The following ANO2 variants were observed in gnomAD, a reference collection of about 807,000 sequenced individuals.
ANO2 encodes anoctamin-2.
A neutral mutation model predicts 124.2 loss-of-function variants in ANO2; 101 were observed. The ratio of observed to expected loss-of-function variants is 0.81; its 90% CI spans 0.69 to 0.96. The LOEUF (loss-of-function observed/expected upper bound fraction) is 0.96. Ranked by LOEUF, ANO2 falls within the 40% of genes least tolerant of loss-of-function variation. The pLI is 0.00. For missense variants in ANO2, 1,293 were observed against 1,274.5 expected (o/e 1.01, Z -0.22); for synonymous variants, 486 against 482.5 (o/e 1.01, Z -0.09).
rs572126780 is a variant in ANO2, at chr12:5,772,843, T to C, written c.1056-21873A>G. Among the ~76,000 whole-genome samples, 8 of 152,360 alleles carry C rather than the reference T, an allele frequency of 5.3e-5. No individual in the cohort carries two copies. In the South Asian group the frequency reaches 1.7e-3, roughly 32 times the overall value. On this transcript the variant is annotated intron_variant, in intron 10 of 24. Coordinates refer to ENST00000682330, the MANE Select transcript of ANO2 (RefSeq NM_001364791.2). Reference sequence around the variant, plus strand: ...TTTCTTCATCATATACCACATAATATGGATGTTAATAGCCACTCCCAAGGG... The same window carrying C: ...TTTCTTCATCATATACCACATAATACGGATGTTAATAGCCACTCCCAAGGG...
At chr12:5,830,287 G>A (rs1033330456) in intron 6 of ANO2, 148 bp downstream of exon 6, 9 of 696,360 alleles carry the variant, frequency 1.3e-5, no homozygotes, top group Non-Finnish European at 2.1e-5. Flanking sequence ...GGGGAATGGG[G>A]AAGCTCTTGC....
At chr12:5,784,992 G>A (rs772829644) in intron 10 of ANO2, among the ~76,000 whole-genome samples, 1 of 152,224 alleles carries the variant, frequency 6.6e-6, no homozygotes. Flanking sequence ...TGGATAGACA[G>A]GGCTGCTCTT....
intron 4 of ANO2, among the ~76,000 whole-genome samples, chr12:5,848,697 T>C (rs112234073): frequency 0.035 from 5,371 of 152,222 alleles, 236 homozygotes; most frequent in African/African-American, 0.1. Flanking sequence ...GAAGTGGAAG[T>C]CCCCAGCACA....
In ANO2 at chr12:5,922,000, C is replaced by T. The variant is rs560518898; in HGVS notation, c.207+620G>A. Among the ~76,000 whole-genome samples the T allele has an allele frequency of 2.2e-4, 33 of 152,250 alleles. 2 individuals carry two copies. The South Asian group carries it at 5.4e-3, about 25-fold the overall frequency. ...AAGACCAATTTCTAGTCACCAGACC[C>T]GACCCCTACCCTCCCACCCACGGGA... On this transcript the variant is annotated intron_variant, in intron 2 of 24. Transcript: ENST00000682330.
intron 4 of ANO2, among the ~76,000 whole-genome samples, chr12:5,832,870 G>A (rs529783340): frequency 1.3e-5 from 2 of 152,258 alleles, no homozygotes; most frequent in African/African-American, 4.8e-5. Context: ...TATATGACTC[G>A]ATATCATCTT....
Position 5,583,274 on chromosome 12 carries a change from C to T in ANO2, c.2234-4756G>A, listed in dbSNP as rs538938122. Among the ~76,000 whole-genome samples the T allele has an allele frequency of 8.5e-5, 13 of 152,234 alleles. No homozygotes were observed. The South Asian group carries it at 2.5e-3, about 29-fold the overall frequency. ...ACATCGCAATTCTCATTGCTGCAAT[C>T]GGCACAGAAGACTTCGAAGAAAGTT... On this transcript the variant is annotated intron_variant, in intron 20 of 24. Transcript: ENST00000682330.
chr12:5,670,269 A>C (rs1160889871), intron 14 of ANO2, among the ~76,000 whole-genome samples: 1 of 152,258 alleles, frequency 6.6e-6, no homozygotes, highest in Non-Finnish European at 1.5e-5. Context: ...TGTACTATTA[A>C]ATAGTTCAGA....
chr12:5,694,254 A>G (rs1057448569), intron 14 of ANO2, among the ~76,000 whole-genome samples: 4 of 148,634 alleles, frequency 2.7e-5, no homozygotes, highest in African/African-American at 9.9e-5. Context: ...CCAGAGACAG[A>G]GAGAGAGAGA....
At chr12:5,809,877 C>T (rs1017752360) in intron 7 of ANO2, among the ~76,000 whole-genome samples, 22 of 152,172 alleles carry the variant, frequency 1.4e-4, no homozygotes, top group Admixed American at 9.8e-4. Flanking sequence ...TAACAGTCAC[C>T]GGCCCTACGG....
At chr12:5,624,643 T>C (rs1484887081) in intron 16 of ANO2, among the ~76,000 whole-genome samples, 2 of 152,122 alleles carry the variant, frequency 1.3e-5, no homozygotes, top group Non-Finnish European at 2.9e-5. Context: ...AAATATCTAC[T>C]GAGGATGATC....
At chr12:5,812,459 A>G (rs1304245241) in intron 7 of ANO2, among the ~76,000 whole-genome samples, 3 of 105,434 alleles carry the variant, frequency 2.8e-5, no homozygotes, top group Admixed American at 2.0e-4. Context: ...AGAAAGGAAG[A>G]AAGGAAGGAA....
In ANO2 at chr12:5,799,552, G is replaced by T; in HGVS notation, c.1010C>A (p.Ala337Glu). The change falls in exon 10 of 25, where the codon GCG becomes GAG. Residue 337 changes from alanine to glutamate, a missense_variant. Physicochemically the swap from Ala to Glu is moderately radical, Grantham distance 107 (BLOSUM62 -1). Transcript: ENST00000682330. The part of the protein sequence containing the change: ...NDRKLLYQEW[A>E]RYGVFYKFQP... ...GAACTTATAGAACACTCCATAGCGC[G>T]CCCATTCTTGATATAGCAGCTAAAC... 1 of 1,613,858 alleles carries T rather than the reference G, an allele frequency of 6.2e-7. No homozygotes were observed. The highest frequency in any genetic ancestry group is 1.1e-5 in the South Asian group (1 of 91,026).
At chr12:5,803,456 G>A (rs1953104767) in intron 9 of ANO2, among the ~76,000 whole-genome samples, 1 of 152,282 alleles carries the variant, frequency 6.6e-6, no homozygotes, top group East Asian at 1.9e-4. Flanking sequence ...GGAAAATCCA[G>A]GACTAAGGGT....
At chr12:5,931,095 T>C (rs1408013795) in intron 1 of ANO2, among the ~76,000 whole-genome samples, 3 of 152,266 alleles carry the variant, frequency 2.0e-5, no homozygotes, top group Non-Finnish European at 2.9e-5. Flanking sequence ...ATTACCATTT[T>C]GAAACAATCT....
chr12:5,819,998 A>C (rs952196484), intron 7 of ANO2, among the ~76,000 whole-genome samples: 2 of 152,216 alleles, frequency 1.3e-5, no homozygotes, highest in African/African-American at 2.4e-5. Context: ...ATTTATAGGA[A>C]GCCTACTGCA....
chr12:5,620,638 A>AG (rs1945072264), intron 16 of ANO2, among the ~76,000 whole-genome samples: 1 of 152,094 alleles, frequency 6.6e-6, no homozygotes, highest in African/African-American at 2.4e-5. Flanking sequence ...TTGAATTGGA[A>AG]TTCTATAGGA....
chr12:5,832,746 G>T, intron 4 of ANO2, 143 bp from the exon 5 acceptor site: 1 of 999,634 alleles, frequency 1.0e-6, no homozygotes, highest in Non-Finnish European at 1.4e-6. Flanking sequence ...AAGAAGGAGG[G>T]CCTTTCCCTT....
intron 14 of ANO2, among the ~76,000 whole-genome samples, chr12:5,662,070 T>G (rs1382267412): frequency 6.6e-6 from 1 of 152,228 alleles, no homozygotes; most frequent in Non-Finnish European, 1.5e-5. Context: ...GGGCAGATGC[T>G]GATGACACTC....
At chr12:5,617,345 C>T (rs906712933) in intron 16 of ANO2, among the ~76,000 whole-genome samples, 1 of 151,984 alleles carries the variant, frequency 6.6e-6, no homozygotes, top group Non-Finnish European at 1.5e-5. Context: ...CACCGTACCA[C>T]ACCTTCTGGA....
Sources: gnomAD v4.1 joint callset for allele counts (sites outside exome capture counted in the v4.1 genomes callset) on GRCh38, gnomAD v4.1.1 for gene constraint, MANE v1.5 for transcripts, NCBI Gene and HGNC (gene_info 2026-07-23, HGNC 2026-07-21) for gene names.